Variants in STARD13 observed in about 807,000 individuals in gnomAD.
The protein encoded by STARD13 is StAR related lipid transfer domain containing 13.
A neutral mutation model predicts 106.4 loss-of-function variants in STARD13; 62 were observed. That is an observed-to-expected ratio of 0.58 (90% CI 0.48 to 0.72). The LOEUF is 0.72. STARD13 is among the 30% of genes least tolerant of loss of function. STARD13 has a pLI of 0.00. For missense variants in STARD13, 1,387 were observed against 1,424.0 expected (o/e 0.97, Z 0.42); for synonymous variants, 565 against 553.0 (o/e 1.02, Z -0.31).
At chr13:33,540,529 C>G in the STARD13 span, among the ~76,000 whole-genome samples, 2 of 152,180 alleles carry the variant, frequency 1.3e-5, no homozygotes, top group African/African-American at 4.8e-5. Context: ...CTTAGAACTT[C>G]TAGCAATTTA....
At chr13:33,547,938 G>A in the STARD13 span, among the ~76,000 whole-genome samples, 1 of 152,110 alleles carries the variant, frequency 6.6e-6, no homozygotes, top group Admixed American at 6.5e-5. Flanking sequence ...ACTAGTTATT[G>A]AACAATGCCA....
intron 1 of STARD13, among the ~76,000 whole-genome samples, chr13:33,312,904 G>A (rs1893195995): frequency 6.6e-6 from 1 of 152,124 alleles, no homozygotes; most frequent in African/African-American, 2.4e-5. Context: ...GATTTACCAG[G>A]GTTCTACTTG....
intron 3 of STARD13, among the ~76,000 whole-genome samples, chr13:33,151,896 T>C (rs1881327839): frequency 6.6e-6 from 1 of 152,052 alleles, no homozygotes; most frequent in South Asian, 2.1e-4. Flanking sequence ...TTGGTTGATG[T>C]GGAAGCTGCA....
chr13:33,574,054 C>T, the STARD13 span, among the ~76,000 whole-genome samples: 1 of 152,036 alleles, frequency 6.6e-6, no homozygotes, highest in Admixed American at 6.6e-5. Context: ...AGGAGTGTGA[C>T]AAAAATCATG....
chr13:33,522,242 A>G, the STARD13 span, among the ~76,000 whole-genome samples: 3 of 152,042 alleles, frequency 2.0e-5, no homozygotes, highest in African/African-American at 7.2e-5. Flanking sequence ...TTAGGTTCAC[A>G]GCAAAATTAA....
At chr13:33,551,156 G>A in the STARD13 span, among the ~76,000 whole-genome samples, 5 of 151,848 alleles carry the variant, frequency 3.3e-5, no homozygotes, top group Admixed American at 1.3e-4. Flanking sequence ...CAGGCAACCC[G>A]CCATTGGTGT....
chr13:33,673,193 T>C, the STARD13 span, among the ~76,000 whole-genome samples: 60 of 152,366 alleles, frequency 3.9e-4, 1 homozygote, highest in South Asian at 0.012. Flanking sequence ...TTCAAGAATA[T>C]CACGTGTTTA....
At chr13:33,111,095 A>T (rs1036491040) in intron 10 of STARD13, among the ~76,000 whole-genome samples, 188 bp from the exon 11 acceptor site, 1 of 152,186 alleles carries the variant, frequency 6.6e-6, no homozygotes, top group African/African-American at 2.4e-5. Flanking sequence ...AAATACAAAC[A>T]TGTTTCTGAG....
At chr13:33,131,079 G>A (rs1204245835) in intron 4 of STARD13, among the ~76,000 whole-genome samples, 1 of 152,194 alleles carries the variant, frequency 6.6e-6, no homozygotes, top group African/African-American at 2.4e-5. Context: ...GTTTCTGCCT[G>A]AATTTGCAGC....
At chr13:33,396,432 T>C in the STARD13 span, among the ~76,000 whole-genome samples, 1 of 152,230 alleles carries the variant, frequency 6.6e-6, no homozygotes, top group African/African-American at 2.4e-5. Flanking sequence ...GCTTTTCTAG[T>C]GACTCTTCAT....
At chr13:33,360,547 C>T in the STARD13 span, among the ~76,000 whole-genome samples, 1 of 149,142 alleles carries the variant, frequency 6.7e-6, no homozygotes, top group Non-Finnish European at 1.5e-5. Context: ...CTGTTAGTGC[C>T]TTATGATCAC....
At chr13:33,271,733 T>C (rs1170398490) in intron 1 of STARD13, among the ~76,000 whole-genome samples, 1 of 151,752 alleles carries the variant, frequency 6.6e-6, no homozygotes, top group African/African-American at 2.4e-5. Context: ...GCTTTGCTGC[T>C]GGTGGCACAA....
chr13:33,485,846 C>T, the STARD13 span, among the ~76,000 whole-genome samples: 99 of 152,194 alleles, frequency 6.5e-4, 1 homozygote, highest in East Asian at 4.8e-3. Context: ...ATTATTTCAA[C>T]GCCAAAGAAG....
intron 6 of STARD13, 104 bp from the exon 7 acceptor site, chr13:33,126,344 A>C: frequency 9.2e-7 from 1 of 1,081,944 alleles, no homozygotes; most frequent in Non-Finnish European, 1.4e-6. Context: ...TGGAATACCC[A>C]ACAGATGCGG....
the STARD13 span, among the ~76,000 whole-genome samples, chr13:33,393,400 G>T: frequency 1.4e-4 from 21 of 152,298 alleles, no homozygotes; most frequent in East Asian, 3.5e-3. Context: ...ATGTCAGCAT[G>T]GTGTAGTGGG....
chr13:33,480,249 G>A, the STARD13 span, among the ~76,000 whole-genome samples: 2 of 151,982 alleles, frequency 1.3e-5, no homozygotes, highest in East Asian at 3.9e-4. Flanking sequence ...ATAGAAGCTA[G>A]GACTCATTTT....
chr13:33,287,704 A>G (rs979557805), upstream of STARD13, among the ~76,000 whole-genome samples: 4 of 152,200 alleles, frequency 2.6e-5, no homozygotes, highest in Non-Finnish European at 4.4e-5. Flanking sequence ...AGGTGCTTGC[A>G]TCAGCTGCTT....
rs1180219159 is a variant in STARD13, at chr13:33,142,421, A to G, written c.324-48T>C. 2.0e-6 allele frequency: 3 copies of G among 1,508,778 alleles called. No individual in the cohort carries two copies. In the African/African-American group the frequency reaches 4.1e-5, roughly 21 times the overall value. 93.5% of individuals were successfully genotyped at this position (1,508,778 alleles called of 1,614,324 possible). A position where few individuals can be genotyped will look rare whatever the true frequency, so the allele number is the denominator to read the frequency against. Reference sequence around the variant, plus strand: ...TGATTACTTTCACTAATGAATTTAAATCTCTCCAGTTTGATAATCCTCCTT... The same window carrying G: ...TGATTACTTTCACTAATGAATTTAAGTCTCTCCAGTTTGATAATCCTCCTT... On this transcript the variant is annotated intron_variant, in intron 3 of 13. Coordinates refer to ENST00000336934, the MANE Select transcript of STARD13 (RefSeq NM_178006.4).
At chr13:33,337,498 C>T (rs1220456175) in intron 1 of STARD13, among the ~76,000 whole-genome samples, 2 of 152,168 alleles carry the variant, frequency 1.3e-5, no homozygotes, top group African/African-American at 4.8e-5. Flanking sequence ...AGGAAATACA[C>T]TCACTGTATC....
Sources: gnomAD v4.1 joint callset for allele counts (sites outside exome capture counted in the v4.1 genomes callset) on GRCh38, gnomAD v4.1.1 for gene constraint, MANE v1.5 for transcripts, NCBI Gene and HGNC (gene_info 2026-07-23, HGNC 2026-07-21) for gene names.